HEMK2: variants seen among roughly 807,000 people sequenced by gnomAD.
The protein encoded by HEMK2 is HemK methyltransferase 2, ETF1 glutamine and histone H4 lysine, also known as methyltransferase HEMK2.
chr21:28,873,390 T>C, the HEMK2 span: 2 of 152,248 alleles, frequency 1.3e-5, no homozygotes, highest in Non-Finnish European at 2.9e-5. Flanking sequence ...ATGGAGGACA[T>C]ACTTATGACA....
chr21:28,704,217 T>C, the HEMK2 span, among the ~76,000 whole-genome samples: 1,074 of 152,270 alleles, frequency 7.1e-3, 48 homozygotes, highest in Admixed American at 0.063. Flanking sequence ...ATGCTGACTT[T>C]CTATAAACTA....
the HEMK2 span, among the ~76,000 whole-genome samples, chr21:28,793,823 G>A: frequency 2.6e-5 from 4 of 152,108 alleles, no homozygotes; most frequent in Non-Finnish European, 4.4e-5. Context: ...AGGAGTCAAA[G>A]GCCATATGAA....
chr21:28,789,904 C>G, the HEMK2 span, among the ~76,000 whole-genome samples: 3 of 152,162 alleles, frequency 2.0e-5, no homozygotes, highest in Non-Finnish European at 4.4e-5. Flanking sequence ...TCATAGAAAA[C>G]AATACCCATA....
the HEMK2 span, among the ~76,000 whole-genome samples, chr21:28,838,972 A>AAAAATATATAT: frequency 1.4e-4 from 4 of 29,152 alleles, no homozygotes; most frequent in African/African-American, 1.9e-4. Context: ...AAAAAAAAAA[A>AAAAATATATAT]ATATATATAT....
At chr21:28,783,184 TGAAA>T in the HEMK2 span, among the ~76,000 whole-genome samples, 10 of 152,032 alleles carry the variant, frequency 6.6e-5, no homozygotes, top group African/African-American at 2.4e-4. Context: ...ACGCATAGCC[TGAAA>T]GAATTTTTTT....
the HEMK2 span, among the ~76,000 whole-genome samples, chr21:28,745,631 T>C: frequency 6.6e-6 from 1 of 152,186 alleles, no homozygotes; most frequent in Non-Finnish European, 1.5e-5. Flanking sequence ...TGCATCTGGA[T>C]GAATGCTCTA....
the HEMK2 span, among the ~76,000 whole-genome samples, chr21:28,781,173 C>T: frequency 6.6e-6 from 1 of 152,072 alleles, no homozygotes; most frequent in Non-Finnish European, 1.5e-5. Context: ...ATGAAAGAGG[C>T]AACTCATAAA....
At chr21:28,791,629 G>A in the HEMK2 span, among the ~76,000 whole-genome samples, 2 of 152,050 alleles carry the variant, frequency 1.3e-5, no homozygotes, top group East Asian at 1.9e-4. Context: ...CTAGCATTTT[G>A]TGTCAGGGAA....
the HEMK2 span, among the ~76,000 whole-genome samples, chr21:28,676,421 T>A: frequency 6.6e-6 from 1 of 152,334 alleles, no homozygotes; most frequent in East Asian, 1.9e-4. Flanking sequence ...CCAAATACAG[T>A]CACTTTCTGA....
At chr21:28,781,254 C>T in the HEMK2 span, among the ~76,000 whole-genome samples, 6 of 152,184 alleles carry the variant, frequency 3.9e-5, no homozygotes, top group Admixed American at 6.5e-5. Flanking sequence ...ACTCAAAGTA[C>T]TCCCTGAAAA....
the HEMK2 span, among the ~76,000 whole-genome samples, chr21:28,782,425 T>C: frequency 1.4e-3 from 218 of 152,322 alleles, 1 homozygote; most frequent in African/African-American, 4.9e-3. Flanking sequence ...CTAAATGCAA[T>C]AAATCCAGTA....
At chr21:28,841,523 T>C in the HEMK2 span, among the ~76,000 whole-genome samples, 1 of 135,738 alleles carries the variant, frequency 7.4e-6, no homozygotes, top group South Asian at 2.2e-4. Flanking sequence ...TGCAGTGACC[T>C]GGATGAGACT....
chr21:28,760,346 G>C, the HEMK2 span, among the ~76,000 whole-genome samples: 4 of 152,136 alleles, frequency 2.6e-5, no homozygotes, highest in Non-Finnish European at 5.9e-5. Context: ...TTCCATAAAT[G>C]GCTATAGAGT....
At chr21:28,771,518 A>ACCCCCCCCCCCCCCCCCCC in the HEMK2 span, among the ~76,000 whole-genome samples, 7 of 105,660 alleles carry the variant, frequency 6.6e-5, no homozygotes, top group Admixed American at 1.1e-4. Flanking sequence ...AAGATGCACC[A>ACCCCCCCCCCCCCCCCCCC]CCCCCCCCCG....
the HEMK2 span, among the ~76,000 whole-genome samples, chr21:28,688,821 C>T: frequency 6.6e-6 from 1 of 151,866 alleles, no homozygotes; most frequent in African/African-American, 2.4e-5. Context: ...AAATATATCC[C>T]TAGTAAAATA....
chr21:28,588,693 G>C, the HEMK2 span, among the ~76,000 whole-genome samples: 2 of 152,152 alleles, frequency 1.3e-5, no homozygotes, highest in Admixed American at 1.3e-4. Flanking sequence ...AAAAGGATCC[G>C]GGTGCGGTGG....
At chr21:28,877,285 G>A in the HEMK2 span, among the ~76,000 whole-genome samples, 13 of 94,818 alleles carry the variant, frequency 1.4e-4, no homozygotes, top group African/African-American at 3.9e-4. Flanking sequence ...AGGAAGGAAG[G>A]AAGGAAGGAA....
the HEMK2 span, among the ~76,000 whole-genome samples, chr21:28,705,432 A>G: frequency 1.3e-5 from 2 of 151,832 alleles, no homozygotes; most frequent in East Asian, 3.9e-4. Flanking sequence ...AAGACTTAGA[A>G]ATAGGTTCCC....
At chr21:28,663,076 G>T in the HEMK2 span, among the ~76,000 whole-genome samples, 1 of 152,092 alleles carries the variant, frequency 6.6e-6, no homozygotes, top group African/African-American at 2.4e-5. Context: ...TCTCTCAATG[G>T]AGAGTGAAAA....
Sources: allele counts gnomAD v4.1 joint callset (sites outside exome capture counted in the v4.1 genomes callset), GRCh38; gene constraint gnomAD v4.1.1; transcripts MANE v1.5; gene names NCBI Gene and HGNC (gene_info 2026-07-23, HGNC 2026-07-21).